DRICH1: variants seen among roughly 807,000 people sequenced by gnomAD.
DRICH1 encodes the protein aspartate rich 1.
In DRICH1, 38 loss-of-function variants were observed where a neutral mutation model predicts 39.5. That is an observed-to-expected ratio of 0.96 (90% CI 0.74 to 1.26). The LOEUF is 1.26. Among genes scored for constraint, DRICH1 ranks in the 50% most tolerant of loss-of-function variants. The pLI is 0.00. For missense variants in DRICH1, 279 were observed against 270.4 expected (o/e 1.03, Z -0.22); for synonymous variants, 84 against 99.5 (o/e 0.84, Z 0.93).
Position 23,632,185 on chromosome 22 carries a change from A to C in DRICH1, c.-162T>G. On this transcript the variant is annotated 5_prime_UTR_variant, in exon 1 of 12. Coordinates refer to ENST00000317749, the MANE Select transcript of DRICH1 (RefSeq NM_016449.4). ...CCCTTATTCTGCCGCCACCTCCCAA[A>C]CTAGCTGGTCTATGAGGTCAGGGAC... is the stretch of plus-strand genomic sequence containing the variant. 8.6e-7 allele frequency: 1 copy of C among 1,166,024 alleles called. No individual in the cohort carries two copies. The highest frequency in any genetic ancestry group is 1.2e-6 in the Non-Finnish European group (1 of 842,960). The allele number at this position is 1,166,024 out of a possible 1,614,324, so 72.2% of individuals were successfully genotyped here.
intron 9 of DRICH1, 77 bp from the exon 10 acceptor site, chr22:23,613,737 C>T (rs1927183151): frequency 1.7e-6 from 2 of 1,161,236 alleles, no homozygotes; most frequent in African/African-American, 1.5e-5. Flanking sequence ...ATTCTCTGGA[C>T]AACGATAAAA....
At chr22:23,619,232 C>T in intron 6 of DRICH1, 132 bp downstream of exon 6, 2 of 503,774 alleles carry the variant, frequency 4.0e-6, no homozygotes, top group Non-Finnish European at 7.4e-6. Flanking sequence ...TTAAATCTAA[C>T]TAATCAGCTG....
intron 4 of DRICH1, among the ~76,000 whole-genome samples, chr22:23,621,831 T>C (rs949986024): frequency 5.3e-5 from 8 of 152,190 alleles, no homozygotes; most frequent in Admixed American, 2.6e-4. Context: ...GGAGAATTCA[T>C]TGAGCCCAGG....
At chr22:23,611,442 G>C (rs1004477074) in intron 11 of DRICH1, among the ~76,000 whole-genome samples, 1 of 149,148 alleles carries the variant, frequency 6.7e-6, no homozygotes, top group Non-Finnish European at 1.5e-5. Flanking sequence ...CCAGGTTGGA[G>C]TGCAGTGGGC....
chr22:23,611,392 ATT>A (rs11339572), intron 11 of DRICH1, among the ~76,000 whole-genome samples: 137 of 138,024 alleles, frequency 9.9e-4, no homozygotes, highest in African/African-American at 3.5e-3. Flanking sequence ...ATTTTCATTC[ATT>A]TTTTTTTTTT....
the DRICH1 span, among the ~76,000 whole-genome samples, chr22:23,594,868 A>G: frequency 6.6e-6 from 1 of 151,928 alleles, no homozygotes; most frequent in African/African-American, 2.4e-5. Context: ...TCCCAATCAC[A>G]CAGACATTGC....
the DRICH1 span, among the ~76,000 whole-genome samples, chr22:23,590,307 T>C: frequency 1.6e-3 from 228 of 147,052 alleles, no homozygotes; most frequent in African/African-American, 5.7e-3. Context: ...AGACGGAGTG[T>C]TGCTCACCCA....
chr22:23,624,782 C>T (rs1328578439), intron 3 of DRICH1, 101 bp downstream of exon 3: 9 of 1,379,726 alleles, frequency 6.5e-6, no homozygotes, highest in Admixed American at 1.7e-5. Context: ...TTGCTCTCAC[C>T]AGACCCCCAA....
the DRICH1 span, among the ~76,000 whole-genome samples, chr22:23,585,090 T>C: frequency 6.6e-6 from 1 of 152,074 alleles, no homozygotes; most frequent in Admixed American, 6.6e-5. Context: ...TCTCTCTTTC[T>C]TTTTTTTCCT....
At chr22:23,608,384 G>A (rs935024040), downstream of DRICH1, 15 of 253,844 alleles carry the variant, frequency 5.9e-5, 1 homozygote, top group South Asian at 3.2e-4. Flanking sequence ...GATCGCCATC[G>A]ATGTCATTGA....
At chr22:23,622,518 T>TCAAGATCGTGTCAGTACA (rs56184855) in intron 3 of DRICH1, among the ~76,000 whole-genome samples, 34,533 of 152,018 alleles carry the variant, frequency 0.23, 4,079 homozygotes, top group Middle Eastern at 0.27. Context: ...CTTAATGTAT[T>TCAAGATCGTGTCAGTACA]CAAGATCGTG....
At chr22:23,606,709 C>T (rs189248996), downstream of DRICH1, among the ~76,000 whole-genome samples, 89 of 152,054 alleles carry the variant, frequency 5.9e-4, 2 homozygotes, top group Middle Eastern at 3.4e-3. Context: ...CAGTGAGGTG[C>T]GGGATCTCCC....
chr22:23,616,826 G>T (rs1221922318), intron 8 of DRICH1, 27 bp downstream of exon 8: 1 of 1,613,502 alleles, frequency 6.2e-7, no homozygotes, highest in Non-Finnish European at 8.5e-7. Context: ...TTGTTTCTCA[G>T]AAAGTGAGTT....
intron 8 of DRICH1, among the ~76,000 whole-genome samples, chr22:23,614,840 A>G (rs1206142083): frequency 6.6e-6 from 1 of 151,676 alleles, no homozygotes; most frequent in African/African-American, 2.4e-5. Flanking sequence ...ACTCTCCCTG[A>G]GGAGATTCCC....
chr22:23,599,494 G>A, the DRICH1 span, among the ~76,000 whole-genome samples: 104 of 152,328 alleles, frequency 6.8e-4, no homozygotes, highest in African/African-American at 2.4e-3. Context: ...CCAGCCATGC[G>A]GCAGAATGGA....
chr22:23,631,380 C>T (rs1928373813), intron 1 of DRICH1, among the ~76,000 whole-genome samples: 1 of 151,938 alleles, frequency 6.6e-6, no homozygotes, highest in East Asian at 1.9e-4. Context: ...CCCGCCACTG[C>T]ACTCCAGCCT....
At chr22:23,591,027 T>C in the DRICH1 span, among the ~76,000 whole-genome samples, 1 of 152,198 alleles carries the variant, frequency 6.6e-6, no homozygotes, top group Non-Finnish European at 1.5e-5. Context: ...GTGGATGGCA[T>C]AAGGCTGTCT....
chr22:23,625,974 G>A lies in DRICH1; in HGVS notation c.276+7C>T. 6.2e-7 allele frequency: 1 copy of A among 1,609,612 alleles called. No individual in the cohort carries two copies. Among genetic ancestry groups the A allele is most frequent in the Admixed American group, 1.7e-5 (1 of 59,720 alleles). ...TTTCCTTAGAAGGCAAAGAAAGGGG[G>A]TCTTACCTTGGCATCATCATTGTCT... On this transcript the variant is annotated splice_region_variant and intron_variant, in intron 2 of 11. Transcript: ENST00000317749.
the DRICH1 span, among the ~76,000 whole-genome samples, chr22:23,584,067 A>T: frequency 1.3e-5 from 2 of 152,044 alleles, no homozygotes; most frequent in Non-Finnish European, 2.9e-5. Flanking sequence ...CTGTGGCGGG[A>T]AATCTGGGTC....
Sources: gnomAD v4.1 joint callset for allele counts (sites outside exome capture counted in the v4.1 genomes callset) on GRCh38, gnomAD v4.1.1 for gene constraint, MANE v1.5 for transcripts, NCBI Gene and HGNC (gene_info 2026-07-23, HGNC 2026-07-21) for gene names.